The following SYNE2 variants were observed in gnomAD, a reference collection of about 807,000 sequenced individuals.
SYNE2 encodes the protein spectrin repeat containing nuclear envelope protein 2.
SYNE2 carries 431 observed loss-of-function variants against 856.3 expected under a neutral mutation model. The ratio of observed to expected loss-of-function variants is 0.50; its 90% confidence interval spans 0.47 to 0.55. SYNE2 has a LOEUF of 0.55. SYNE2 is among the 20% of genes least tolerant of loss of function. The pLI is 0.00. For missense variants in SYNE2, 8,129 were observed against 8,023.2 expected, an observed-to-expected ratio of 1.01 and a Z score of -0.50; for synonymous variants, 2,923 against 2,872.3, an observed-to-expected ratio of 1.02 and a Z score of -0.56.
At position 64,002,888 on chromosome 14, in the gene SYNE2, G is replaced by A. The variant is rs1464377949; in HGVS notation, c.3955G>A (p.Glu1319Lys). 8 of 1,614,076 alleles carry A rather than the reference G, an allele frequency of 5.0e-6. No individual in the cohort carries two copies. The highest frequency in any genetic ancestry group is 6.8e-6 in the Non-Finnish European group (8 of 1,180,042). Residue 1319 changes from glutamate (E) to lysine (K), a missense_variant, in exon 30 of 116, where the codon GAA (glutamate) becomes AAA (lysine). This residue lies in a region of SYNE2 where 2,422 missense variants were observed against 2,357.4 expected (regional missense o/e 1.03). Transcript: ENST00000555002. ...EGMNHRVQRS[E>K]DTLKALEDFL... ...AATGAACCACAGGGTGCAGAGGAGT[G>A]AAGATACTCTCAAAGCTCTGGAAGA...
intron 13 of SYNE2, among the ~76,000 whole-genome samples, chr14:63,978,540 G>A (rs1354165254): frequency 2.6e-5 from 4 of 152,106 alleles, no homozygotes; most frequent in Non-Finnish European, 5.9e-5. Flanking sequence ...GTTTTATTAA[G>A]TTATGTGGAA....
At chr14:64,125,292 G>A in intron 71 of SYNE2, 82 bp downstream of exon 71, 1 of 1,580,910 alleles carries the variant, frequency 6.3e-7, no homozygotes, top group East Asian at 2.3e-5. Context: ...GGTCATAATT[G>A]TCGTCACTGA....
At chr14:63,774,042 T>C (rs567066078) in intron 1 of SYNE2, among the ~76,000 whole-genome samples, 22 of 152,176 alleles carry the variant, frequency 1.4e-4, no homozygotes, top group Non-Finnish European at 3.1e-4. Context: ...TTCAGAAAAC[T>C]GAAGACAAGA....
intron 1 of SYNE2, among the ~76,000 whole-genome samples, chr14:63,908,074 TTGAAG>T (rs2095429763): frequency 6.6e-6 from 1 of 152,188 alleles, no homozygotes; most frequent in African/African-American, 2.4e-5. Flanking sequence ...TTTGTATTTT[TTGAAG>T]TGTTCTGTTT....
chr14:63,795,835 G>A (rs1335381938), intron 1 of SYNE2, among the ~76,000 whole-genome samples: 2 of 152,200 alleles, frequency 1.3e-5, no homozygotes, highest in African/African-American at 4.8e-5. Flanking sequence ...TTAACACAAT[G>A]TGGATGAACA....
chr14:63,779,937 C>T (rs113448163), intron 1 of SYNE2, among the ~76,000 whole-genome samples: 41 of 152,046 alleles, frequency 2.7e-4, no homozygotes, highest in South Asian at 4.1e-4. Context: ...ATAAAATAAA[C>T]GGAATACAGA....
Position 63,832,866 on chromosome 14 carries a change from C to CAAA in SYNE2, c.-304-19613_-304-19611dup, listed in dbSNP as rs36099684. ...CAACATGGCGAGAACCTGTCTCTAC[C>CAAA]AAAAAAAAAAAAAAAAAAAAAAAAT... On this transcript the variant is annotated intron_variant, in intron 1 of 23. Coordinates refer to the SYNE2 transcript ENST00000674003. 6.4e-3 allele frequency among the ~76,000 whole-genome samples: 415 copies of CAAA among 64,670 alleles called. 5 individuals carry two copies. Among genetic ancestry groups the CAAA allele is most frequent in the African/African-American group, 0.02 (319 of 16,014 alleles). The allele number at this position is 64,670 out of a possible 152,430, so 42.4% of individuals were successfully genotyped here. A position where few individuals can be genotyped will look rare whatever the true frequency, so the allele number is the denominator to read the frequency against.
At chr14:63,774,468 CAAA>C (rs748830808) in intron 1 of SYNE2, among the ~76,000 whole-genome samples, 6 of 95,318 alleles carry the variant, frequency 6.3e-5, no homozygotes, top group Middle Eastern at 4.6e-3. Context: ...GACTCCGTCT[CAAA>C]AAAAAAAAAA....
At chr14:64,188,289 A>G (rs1226397519) in intron 97 of SYNE2, among the ~76,000 whole-genome samples, 1 of 152,170 alleles carries the variant, frequency 6.6e-6, no homozygotes. Flanking sequence ...ATAGTAACAC[A>G]CGAGTATTGG....
intron 94 of SYNE2, among the ~76,000 whole-genome samples, chr14:64,171,338 G>A (rs2098409613): frequency 6.6e-6 from 1 of 152,200 alleles, no homozygotes; most frequent in South Asian, 2.1e-4. Context: ...ACTGTCCTAA[G>A]TGCTGGGTGT....
chr14:63,783,628 T>C (rs909869829), intron 1 of SYNE2, among the ~76,000 whole-genome samples: 55 of 152,120 alleles, frequency 3.6e-4, no homozygotes, highest in African/African-American at 1.3e-3. Flanking sequence ...ATAACCTGAA[T>C]CTAATTATGA....
At chr14:63,800,750 G>A (rs1413418429) in intron 1 of SYNE2, among the ~76,000 whole-genome samples, 2 of 152,186 alleles carry the variant, frequency 1.3e-5, no homozygotes, top group Non-Finnish European at 1.5e-5. Flanking sequence ...TTGTAAGTGG[G>A]AGCTAAATGA....
rs1425077881 is a variant in SYNE2, at chr14:64,052,006, A to G, written c.8093A>G (p.Glu2698Gly). ...ATGAAGAGGATTTGGGGAGAAAAAG[A>G]AAAGAAGAATTTGGAGGATGGAATA... ...LQMKRIWGEKEKKNLEDGINN... is the reference protein window; with the variant it reads ...LQMKRIWGEKGKKNLEDGINN... Residue 2698 changes from glutamate (E) to glycine (G), a missense_variant, in exon 48 of 116, where the codon GAA becomes GGA. This residue lies in a region of SYNE2 where 5,410 missense variants were observed against 5,284.8 expected (regional missense o/e 1.02). Coordinates refer to ENST00000555002, the MANE Select transcript of SYNE2 (RefSeq NM_182914.3). 6.2e-7 allele frequency: 1 copy of G among 1,613,838 alleles called. No individual in the cohort carries two copies. Among genetic ancestry groups the G allele is most frequent in the South Asian group, 1.1e-5 (1 of 91,062 alleles).
chr14:64,107,601 A>T lies in SYNE2; in HGVS notation c.12603A>T (p.Thr4201=). The change falls in exon 65 of 116, where the codon ACA becomes ACT. Residue 4201 remains threonine, a synonymous_variant. Coordinates refer to ENST00000555002, the MANE Select transcript of SYNE2 (RefSeq NM_182914.3). ...AATGTTCCCTAAGGCCCAACCAAAC[A>T]GAAGAGGTAAGTCCTGGTTGGTAAT... The part of the protein sequence containing the change: ...GPECSLRPNQ[T]EEGTTPPIEA... 1 of 1,613,512 alleles carries T rather than the reference A, an allele frequency of 6.2e-7. No homozygotes were observed.
At chr14:64,170,649 G>A (rs966393679) in intron 94 of SYNE2, among the ~76,000 whole-genome samples, 187 bp downstream of exon 94, 6 of 152,098 alleles carry the variant, frequency 3.9e-5, no homozygotes, top group African/African-American at 9.7e-5. Context: ...TTGGAAACCC[G>A]ATATTACCCA....
intron 78 of SYNE2, 96 bp from the exon 79 acceptor site, chr14:64,137,691 G>C: frequency 7.9e-7 from 1 of 1,267,556 alleles, no homozygotes; most frequent in Non-Finnish European, 1.1e-6. Context: ...TGTTTTATCA[G>C]TGGACACAAA....
chr14:64,085,968 T>C (rs997092501), intron 57 of SYNE2, among the ~76,000 whole-genome samples: 6 of 152,214 alleles, frequency 3.9e-5, no homozygotes, highest in African/African-American at 1.4e-4. Flanking sequence ...TGTCTTTTCA[T>C]TCTTTTAACA....
At chr14:63,953,188 A>G (rs2096190545) in intron 7 of SYNE2, among the ~76,000 whole-genome samples, 3 of 152,220 alleles carry the variant, frequency 2.0e-5, no homozygotes, top group Admixed American at 2.0e-4. Flanking sequence ...CAAGCAGATT[A>G]GGAAGGACTT....
intron 100 of SYNE2, among the ~76,000 whole-genome samples, chr14:64,204,030 A>T (rs1194319008): frequency 6.6e-6 from 1 of 152,094 alleles, no homozygotes; most frequent in African/African-American, 2.4e-5. Flanking sequence ...CCTGCTCTTG[A>T]CTTTTCTAAG....
Sources: allele counts gnomAD v4.1 joint callset (sites outside exome capture counted in the v4.1 genomes callset), GRCh38; gene constraint gnomAD v4.1.1; regional missense constraint gnomAD v4.1.1; transcripts MANE v1.5; gene names NCBI Gene and HGNC (gene_info 2026-07-23, HGNC 2026-07-21).